Variants in OSBPL8 observed in about 807,000 individuals in gnomAD.
The protein encoded by OSBPL8 is oxysterol-binding protein-related protein 8.
OSBPL8 carries 59 observed loss-of-function variants against 125.5 expected under a neutral mutation model. The observed-to-expected ratio is 0.47, with a 90% confidence interval of 0.38 to 0.58. The LOEUF (loss-of-function observed/expected upper bound fraction) is 0.58. Among genes scored for constraint, OSBPL8 ranks in the 20% least tolerant of loss-of-function variants. OSBPL8 has a pLI of 0.00. For synonymous variants in OSBPL8, 330 were observed against 338.9 expected, an observed-to-expected ratio of 0.97 and a Z score of 0.29; for missense variants, 758 against 1,047.8, an observed-to-expected ratio of 0.72 and a Z score of 3.82.
intron 1 of OSBPL8, among the ~76,000 whole-genome samples, chr12:76,555,265 A>G (rs1951059219): frequency 6.6e-6 from 1 of 152,196 alleles, no homozygotes; most frequent in Non-Finnish European, 1.5e-5. Context: ...AAAAAAGCTT[A>G]AAGGCTCAGA....
At chr12:76,385,299 C>G (rs1170182120) in intron 14 of OSBPL8, among the ~76,000 whole-genome samples, 1 of 152,000 alleles carries the variant, frequency 6.6e-6, no homozygotes, top group Non-Finnish European at 1.5e-5. Context: ...TAATAAGGAG[C>G]CACTGTTATT....
Position 76,389,795 on chromosome 12 carries a change from T to G in OSBPL8, c.1202A>C (p.Glu401Ala). The G allele has an allele frequency of 6.4e-7, 1 of 1,557,880 alleles. No homozygotes were observed. Among genetic ancestry groups the G allele is most frequent in the Admixed American group, 1.9e-5 (1 of 51,836 alleles). The change falls in exon 12 of 24, where the codon GAA becomes GCA. Residue 401 changes from glutamate to alanine, a missense_variant. Physicochemically the swap from Glu to Ala is moderately radical, Grantham distance 107. Transcript: ENST00000261183. ...GEASQTETVS[E>A]ENKSLIWTLL... ...TGTCCAGATAAGGCTTTTGTTTTCT[T>G]CAGATACAGTTTCTGTTTGAGAAGC...
chr12:76,466,985 T>A lies in OSBPL8; in HGVS notation c.43-7090A>T, dbSNP rs149963922. Reference sequence around the variant, plus strand: ...CTCAAAAAAAAAAAAAATCTTTTTTTAATCCTGAGTCATCTGGAAATTACA... The same window carrying A: ...CTCAAAAAAAAAAAAAATCTTTTTTAAATCCTGAGTCATCTGGAAATTACA... On this transcript the variant is annotated intron_variant, in intron 2 of 23. Coordinates refer to ENST00000261183, the MANE Select transcript of OSBPL8 (RefSeq NM_020841.5). Among the ~76,000 whole-genome samples, 724 of 152,278 alleles carry A rather than the reference T, an allele frequency of 4.8e-3. 10 individuals are homozygous for A. The highest frequency in any genetic ancestry group is 0.017 in the African/African-American group (696 of 41,562).
At position 76,352,343 on chromosome 12, in the gene OSBPL8, A is replaced by C. The variant is rs1951854944; in HGVS notation, c.*3546T>G. ...TAAATATATTAATCATATTAATAAG[A>C]CACTGGTCCTATACAATTTCAACAG... On this transcript the variant is annotated 3_prime_UTR_variant, in exon 24 of 24. Transcript: ENST00000261183. The C allele has an allele frequency of 1.3e-5, 2 of 152,566 alleles. No homozygotes were observed. The highest frequency in any genetic ancestry group is 2.9e-5 in the Non-Finnish European group (2 of 67,990). The allele number at this position is 152,566 out of a possible 1,614,324, so 9.5% of individuals were successfully genotyped here. A position where few individuals can be genotyped will look rare whatever the true frequency, so the allele number is the denominator to read the frequency against.
At position 76,390,595 on chromosome 12, in the gene OSBPL8, G is replaced by C; in HGVS notation, c.992C>G (p.Ser331Cys). 1 of 1,613,614 alleles carries C rather than the reference G, an allele frequency of 6.2e-7. No individual in the cohort carries two copies. The highest frequency in any genetic ancestry group is 8.5e-7 in the Non-Finnish European group (1 of 1,179,800). ...FKDQDMYSDK[S>C]DKENDQEHDE... ...ATGTTCTTGATCATTTTCTTTATCAGATTTATCAGAATACATATCTTGGTC... is the reference window on the plus strand; with the variant it reads ...ATGTTCTTGATCATTTTCTTTATCACATTTATCAGAATACATATCTTGGTC... The change falls in exon 11 of 24, where the codon TCT (serine) becomes TGT (cysteine). Residue 331 changes from serine (S) to cysteine (C), a missense_variant. Ser to Cys is a moderately radical substitution (Grantham distance 112). Transcript: ENST00000261183.
intron 1 of OSBPL8, among the ~76,000 whole-genome samples, chr12:76,538,565 C>G (rs919069595): frequency 6.6e-6 from 1 of 152,136 alleles, no homozygotes; most frequent in Non-Finnish European, 1.5e-5. Context: ...AACATGAGAG[C>G]AAGCCCTTTA....
intron 1 of OSBPL8, among the ~76,000 whole-genome samples, chr12:76,532,693 G>C (rs947906531): frequency 6.6e-6 from 1 of 150,856 alleles, no homozygotes; most frequent in East Asian, 1.9e-4. Context: ...GGTACTCCAC[G>C]CTCTCCTAGC....
intron 19 of OSBPL8, 87 bp from the exon 20 acceptor site, chr12:76,369,909 G>T: frequency 8.1e-7 from 1 of 1,227,212 alleles, no homozygotes. Flanking sequence ...CCCTTGTAGA[G>T]AAAATAATGC....
chr12:76,403,355 T>G (rs926013893), intron 5 of OSBPL8, among the ~76,000 whole-genome samples: 1 of 152,228 alleles, frequency 6.6e-6, no homozygotes, highest in Non-Finnish European at 1.5e-5. Context: ...TTCCAGACTT[T>G]CAGTTTACAC....
At chr12:76,493,886 T>A (rs1878997718) in intron 1 of OSBPL8, among the ~76,000 whole-genome samples, 1 of 152,142 alleles carries the variant, frequency 6.6e-6, no homozygotes, top group South Asian at 2.1e-4. Flanking sequence ...TCCTTTTCAT[T>A]CTTTTTCTTT....
At chr12:76,548,058 G>A (rs1452940358) in intron 1 of OSBPL8, among the ~76,000 whole-genome samples, 1 of 151,996 alleles carries the variant, frequency 6.6e-6, no homozygotes, top group South Asian at 2.1e-4. Context: ...AGTTCAATAG[G>A]CTCTGTTTCT....
intron 2 of OSBPL8, among the ~76,000 whole-genome samples, chr12:76,485,029 T>C (rs1031650275): frequency 5.9e-5 from 9 of 151,992 alleles, no homozygotes; most frequent in Non-Finnish European, 8.8e-5. Flanking sequence ...CAAGCAATTC[T>C]CCTGCCTCAG....
chr12:76,389,574 G>T, intron 12 of OSBPL8, 71 bp downstream of exon 12: 1 of 1,232,546 alleles, frequency 8.1e-7, no homozygotes. Flanking sequence ...AACGATAATT[G>T]AAAATAGCAT....
At chr12:76,475,914 C>G (rs965952292) in intron 2 of OSBPL8, among the ~76,000 whole-genome samples, 6 of 152,194 alleles carry the variant, frequency 3.9e-5, no homozygotes, top group Admixed American at 1.3e-4. Context: ...TGCTTTTAAA[C>G]TGTGCGTGTA....
rs2050262394 is a variant in OSBPL8, at chr12:76,354,518, C to T, written c.*1371G>A. 1 of 151,850 alleles carries T rather than the reference C, an allele frequency of 6.6e-6. No individual in the cohort carries two copies. The highest frequency in any genetic ancestry group is 1.5e-5 in the Non-Finnish European group (1 of 67,822). 9.4% of individuals were successfully genotyped at this position (151,850 alleles called of 1,614,324 possible). On this transcript the variant is annotated 3_prime_UTR_variant, in exon 24 of 24. Coordinates refer to ENST00000261183, the MANE Select transcript of OSBPL8 (RefSeq NM_020841.5). ...CAAATGTGGTCAGGGCAATTATTCT[C>T]TCTGACCTTCATTTTCATTAAAAAA...
At chr12:76,424,291 G>A (rs187764380) in intron 4 of OSBPL8, among the ~76,000 whole-genome samples, 44 of 152,126 alleles carry the variant, frequency 2.9e-4, no homozygotes, top group African/African-American at 9.4e-4. Flanking sequence ...GTGAGCCACC[G>A]CACCAGGCAA....
In OSBPL8 at chr12:76,356,674, A is replaced by G; in HGVS notation, c.2489T>C (p.Ile830Thr). ...RRKKGIELGD[I>T]QSSIESIKQT... is the part of the protein sequence containing the mutation. ...TTTTATAGATTCGATGGAACTCTGA[A>G]TGTCTCCCAGTTCTATTCCTTTCTT... is the stretch of plus-strand genomic sequence containing the variant. Residue 830 changes from isoleucine to threonine, a missense_variant, in exon 23 of 24, where the codon ATT becomes ACT. Ile to Thr is a moderately conservative substitution (Grantham distance 89). Coordinates refer to ENST00000261183, the MANE Select transcript of OSBPL8 (RefSeq NM_020841.5). 6.2e-7 allele frequency: 1 copy of G among 1,610,914 alleles called. No individual in the cohort carries two copies. The highest frequency in any genetic ancestry group is 8.5e-7 in the Non-Finnish European group (1 of 1,178,068).
At chr12:76,526,737 G>A (rs750186711) in intron 1 of OSBPL8, among the ~76,000 whole-genome samples, 6 of 125,328 alleles carry the variant, frequency 4.8e-5, no homozygotes, top group Non-Finnish European at 9.5e-5. Flanking sequence ...CACAACCTCC[G>A]CCTCCCGGGT....
intron 1 of OSBPL8, among the ~76,000 whole-genome samples, chr12:76,546,214 T>G (rs1950779109): frequency 6.6e-6 from 1 of 152,216 alleles, no homozygotes; most frequent in African/African-American, 2.4e-5. Context: ...TTCTACTGTT[T>G]ACTATTAACC....
Sources: gnomAD v4.1 joint callset for allele counts (sites outside exome capture counted in the v4.1 genomes callset) on GRCh38, gnomAD v4.1.1 for gene constraint, MANE v1.5 for transcripts, NCBI Gene and HGNC (gene_info 2026-07-23, HGNC 2026-07-21) for gene names.